ARHGEF3: variants seen among roughly 807,000 people sequenced by gnomAD.
ARHGEF3 encodes 59.8 kDA protein.
A neutral mutation model predicts 63.2 loss-of-function variants in ARHGEF3; 28 were observed. The observed-to-expected ratio is 0.44, with a 90% CI of 0.33 to 0.61. The LOEUF (loss-of-function observed/expected upper bound fraction) is 0.61, where lower values mean the gene tolerates loss of function less well. Ranked by LOEUF, ARHGEF3 falls within the 20% of genes least tolerant of loss-of-function variation. ARHGEF3 has a pLI of 0.03. For synonymous variants in ARHGEF3, 266 were observed against 254.2 expected (o/e 1.05, Z -0.44); for missense variants, 533 against 659.3 (o/e 0.81, Z 2.10).
intron 2 of ARHGEF3, among the ~76,000 whole-genome samples, chr3:56,974,113 A>G (rs763884054): frequency 5.3e-5 from 8 of 152,152 alleles, no homozygotes; most frequent in Non-Finnish European, 1.0e-4. Context: ...GAGCTCCCTG[A>G]GAACAGCCAC....
At chr3:56,836,978 C>T (rs1195408135) in intron 4 of ARHGEF3, among the ~76,000 whole-genome samples, 1 of 152,138 alleles carries the variant, frequency 6.6e-6, no homozygotes, top group African/African-American at 2.4e-5. Context: ...GTGAAAGAAT[C>T]AGTCTGCATT....
chr3:56,756,115 C>T (rs1468382475), intron 2 of ARHGEF3, among the ~76,000 whole-genome samples: 3 of 152,196 alleles, frequency 2.0e-5, no homozygotes, highest in Non-Finnish European at 4.4e-5. Context: ...CAGAAGTCCA[C>T]CTGTGTGACT....
intron 3 of ARHGEF3, among the ~76,000 whole-genome samples, chr3:56,885,469 T>A (rs1042721146): frequency 2.0e-5 from 3 of 152,194 alleles, no homozygotes; most frequent in Admixed American, 1.3e-4. Context: ...TTGAGTTTTA[T>A]GGTGCTACAG....
intron 2 of ARHGEF3, among the ~76,000 whole-genome samples, chr3:56,980,528 T>C (rs2106899034): frequency 6.6e-6 from 1 of 152,318 alleles, no homozygotes; most frequent in East Asian, 1.9e-4. Context: ...CGTAGGTTAG[T>C]GGGAATAATC....
At chr3:56,882,419 G>GA in intron 3 of ARHGEF3, 4 of 1,367,188 alleles carry the variant, frequency 2.9e-6, no homozygotes, top group South Asian at 1.3e-5. Context: ...ATTAAGGCAA[G>GA]AAAAAAAGCA....
intron 1 of ARHGEF3, among the ~76,000 whole-genome samples, chr3:56,784,301 T>C (rs2036693458): frequency 1.3e-5 from 2 of 152,196 alleles, no homozygotes; most frequent in East Asian, 3.9e-4. Flanking sequence ...AGGTTATGCA[T>C]TTTTGGCAAG....
intron 8 of ARHGEF3, among the ~76,000 whole-genome samples, chr3:56,735,090 C>T (rs2033510908): frequency 6.6e-6 from 1 of 152,102 alleles, no homozygotes; most frequent in African/African-American, 2.4e-5. Context: ...TCAAGAACAG[C>T]CTGGCCAACA....
chr3:56,967,220 AT>A (rs1459485645), intron 2 of ARHGEF3, among the ~76,000 whole-genome samples: 1 of 139,186 alleles, frequency 7.2e-6, no homozygotes, highest in African/African-American at 2.7e-5. Flanking sequence ...CACATATGTA[AT>A]TTAAGTTTTC....
intron 4 of ARHGEF3, among the ~76,000 whole-genome samples, chr3:56,852,324 AGAT>A (rs2108151715): frequency 6.6e-6 from 1 of 152,278 alleles, no homozygotes; most frequent in South Asian, 2.1e-4. Flanking sequence ...TTGATTTCTT[AGAT>A]GATTTCATCT....
rs750279712 is a variant in ARHGEF3, at chr3:56,801,743, A to G, written c.56T>C (p.Leu19Pro). Reference sequence around the variant, plus strand: ...CGGACCGCTGGCCGGGGGTAGCTCCAGGCTGCAGTTCGCTCTCTTGACCGT... The same window carrying G: ...CGGACCGCTGGCCGGGGGTAGCTCCGGGCTGCAGTTCGCTCTCTTGACCGT... ...YLTVKRANCS[L>P]ELPPASGPAK... The change falls in exon 1 of 10, where the codon CTG becomes CCG. Residue 19 changes from leucine to proline, a missense_variant. Coordinates refer to ENST00000296315, the MANE Select transcript of ARHGEF3 (RefSeq NM_019555.3). The G allele has an allele frequency of 7.0e-6, 11 of 1,569,210 alleles. No individual in the cohort carries two copies. Among genetic ancestry groups the G allele is most frequent in the Non-Finnish European group, 8.7e-6 (10 of 1,155,760 alleles).
rs1460243261 is a variant in ARHGEF3, at chr3:56,780,635, T to C, written c.97-6819A>G. On this transcript the variant is annotated intron_variant, in intron 1 of 9. Coordinates refer to ENST00000296315, the MANE Select transcript of ARHGEF3 (RefSeq NM_019555.3). ...GTGATATAGTTCCTCTGTCTTGTTG[T>C]CTTTCATGATCTTATAGCAAAATAC... Among the ~76,000 whole-genome samples, 3 of 152,198 alleles carry C rather than the reference T, an allele frequency of 2.0e-5. No homozygotes were observed. The East Asian group carries it at 5.8e-4, about 29-fold the overall frequency.
chr3:57,030,705 AG>A (rs1320255745), intron 2 of ARHGEF3, among the ~76,000 whole-genome samples: 1 of 152,204 alleles, frequency 6.6e-6, no homozygotes, highest in Non-Finnish European at 1.5e-5. Context: ...GAGGAAACTG[AG>A]GCATAGAAAT....
At chr3:56,856,702 T>G (rs1349669732) in intron 4 of ARHGEF3, among the ~76,000 whole-genome samples, 1 of 41,016 alleles carries the variant, frequency 2.4e-5, no homozygotes, top group Admixed American at 3.1e-4. Flanking sequence ...TCTTGAGAGG[T>G]TTTTTGTTTT....
At chr3:56,899,717 G>A (rs1382382438) in intron 3 of ARHGEF3, among the ~76,000 whole-genome samples, 3 of 152,138 alleles carry the variant, frequency 2.0e-5, no homozygotes, top group Admixed American at 2.0e-4. Flanking sequence ...TCTCTTAATT[G>A]TCACACAAAG....
chr3:56,943,260 G>A (rs1699278179), intron 3 of ARHGEF3, among the ~76,000 whole-genome samples: 1 of 152,172 alleles, frequency 6.6e-6, no homozygotes, highest in African/African-American at 2.4e-5. Context: ...TAAGGCAGTT[G>A]GTGACTTTAA....
chr3:56,889,007 T>G (rs985676303), intron 3 of ARHGEF3, among the ~76,000 whole-genome samples: 7 of 152,154 alleles, frequency 4.6e-5, no homozygotes, highest in African/African-American at 1.7e-4. Context: ...GGAGGTCTCA[T>G]GGAGATATGG....
chr3:56,920,879 T>TTC (rs1560051501), intron 3 of ARHGEF3, among the ~76,000 whole-genome samples: 1 of 151,718 alleles, frequency 6.6e-6, no homozygotes, highest in African/African-American at 2.4e-5. Context: ...GGTGAAACCC[T>TTC]GTCTCTACTA....
chr3:57,031,584 A>G (rs1233152668), intron 2 of ARHGEF3, among the ~76,000 whole-genome samples: 2 of 152,196 alleles, frequency 1.3e-5, no homozygotes, highest in Non-Finnish European at 2.9e-5. Flanking sequence ...CCAGACTCCA[A>G]ATTCCCTAAG....
chr3:57,055,295 G>A (rs113790168), intron 1 of ARHGEF3, among the ~76,000 whole-genome samples: 86 of 151,712 alleles, frequency 5.7e-4, no homozygotes, highest in African/African-American at 2.1e-3. Flanking sequence ...CTGAGTAGCT[G>A]GGACTACAGG....
Sources: gnomAD v4.1 joint callset for allele counts (sites outside exome capture counted in the v4.1 genomes callset) on GRCh38, gnomAD v4.1.1 for gene constraint, MANE v1.5 for transcripts, NCBI Gene and HGNC (gene_info 2026-07-23, HGNC 2026-07-21) for gene names.